The following COL4A4 variants were observed in gnomAD, a reference collection of about 807,000 sequenced individuals.
COL4A4 encodes collagen type IV alpha 4 chain, also known as collagen alpha-4(IV) chain.
COL4A4 carries 105 observed loss-of-function variants against 192.9 expected under a neutral mutation model. The observed-to-expected ratio is 0.54, with a 90% CI of 0.46 to 0.64. The LOEUF (loss-of-function observed/expected upper bound fraction) is 0.64, where lower values mean the gene tolerates loss of function less well. Ranked by LOEUF, COL4A4 falls within the 30% of genes least tolerant of loss-of-function variation. The probability of loss-of-function intolerance (pLI) is 0.00; values close to 1 mark genes in which losing one functional copy is unlikely to be tolerated. For missense variants in COL4A4, 1,967 were observed against 2,169.3 expected (o/e 0.91, Z 1.85); for synonymous variants, 762 against 769.9 (o/e 0.99, Z 0.17).
intron 1 of COL4A4, among the ~76,000 whole-genome samples, chr2:227,158,944 C>A (rs1559767938): frequency 6.6e-6 from 1 of 152,128 alleles, no homozygotes; most frequent in African/African-American, 2.4e-5. Context: ...ATGACCTAAC[C>A]ATTTCATTCC....
At position 227,088,772 on chromosome 2, in the gene COL4A4, G is replaced by C. The variant is rs767258671; in HGVS notation, c.1504C>G (p.Pro502Ala). 20 of 1,614,126 alleles carry C rather than the reference G, an allele frequency of 1.2e-5. No individual in the cohort carries two copies. In the Admixed American group the frequency reaches 3.3e-4, roughly 27 times the overall value. ...CTCCCAGGAAGTCCTGGAGGGCCAG[G>C]GGGGCCCATGGGTCCAGGCTCACAG... ...CACEPGPMGP[P>A]GPPGLPGRQG... Residue 502 changes from proline to alanine, a missense_variant, in exon 22 of 48, where the codon CCT becomes GCT. Coordinates refer to ENST00000396625, the MANE Select transcript of COL4A4 (RefSeq NM_000092.5).
At chr2:227,116,585 A>T (rs77245414) in intron 7 of COL4A4, among the ~76,000 whole-genome samples, 5,274 of 152,312 alleles carry the variant, frequency 0.035, 295 homozygotes, top group African/African-American at 0.12. Flanking sequence ...GAAGCAAAGA[A>T]ATGAAAATGG....
chr2:226,969,341 C>T, the COL4A4 span, among the ~76,000 whole-genome samples: 4 of 150,802 alleles, frequency 2.7e-5, no homozygotes, highest in East Asian at 7.8e-4. Context: ...AAGTCTGTGC[C>T]CAACTGTCAC....
In COL4A4 at chr2:227,031,676, C is replaced by T. The variant is rs140394246; in HGVS notation, c.3817+269G>A. Among the ~76,000 whole-genome samples, 688 of 152,244 alleles carry T rather than the reference C, an allele frequency of 4.5e-3. 14 individuals are homozygous for T. Among genetic ancestry groups the T allele is most frequent in the East Asian group, 3.5e-3 (18 of 5,176 alleles). The stretch of plus-strand genomic sequence containing the variant: ...TCAGCATCAAGCTGGTGATAAGAAA[C>T]GCTTGCTTATCAGTTTCTAGCCTGA... On this transcript the variant is annotated intron_variant, in intron 40 of 47. Coordinates refer to ENST00000396625, the MANE Select transcript of COL4A4 (RefSeq NM_000092.5).
chr2:227,070,086 AGAC>A (rs1450481970), intron 25 of COL4A4, among the ~76,000 whole-genome samples: 2 of 152,164 alleles, frequency 1.3e-5, no homozygotes, highest in Non-Finnish European at 2.9e-5. Context: ...TCTCAAAAGA[AGAC>A]ATTTATGCAG....
intron 43 of COL4A4, chr2:227,022,559 T>G (rs752934129): frequency 9.3e-6 from 5 of 539,408 alleles, no homozygotes. Flanking sequence ...CAAGAGGGAC[T>G]GGTGGGTTCC....
chr2:227,101,954 T>A (rs761339538), intron 15 of COL4A4, 45 bp from the exon 16 acceptor site: 1 of 1,430,966 alleles, frequency 7.0e-7, no homozygotes, highest in Non-Finnish European at 9.8e-7. Flanking sequence ...TAAATCAGAA[T>A]GCATTAACCA....
the COL4A4 span, among the ~76,000 whole-genome samples, chr2:226,984,986 G>A: frequency 3.9e-5 from 6 of 151,964 alleles, no homozygotes; most frequent in African/African-American, 1.5e-4. Flanking sequence ...AAGTACAAGT[G>A]GGGGGTTTGA....
chr2:226,999,055 G>T (rs1960271822), downstream of COL4A4: 1 of 152,230 alleles, frequency 6.6e-6, no homozygotes, highest in African/African-American at 2.4e-5. Flanking sequence ...ACTTGGAATT[G>T]CTGGTTATGC....
chr2:227,090,074 CA>C, intron 20 of COL4A4, 117 bp from the exon 21 acceptor site: 1 of 715,424 alleles, frequency 1.4e-6, no homozygotes, highest in South Asian at 1.7e-5. Context: ...TTCCCAACCC[CA>C]TTCTTTGCGC....
intron 1 of COL4A4, among the ~76,000 whole-genome samples, chr2:227,159,349 A>G (rs962509544): frequency 7.2e-5 from 11 of 152,228 alleles, no homozygotes; most frequent in Admixed American, 7.2e-4. Context: ...AAAGAGGCAG[A>G]AAGAAACTTC....
chr2:227,028,046 G>A, intron 41 of COL4A4, 37 bp from the exon 42 acceptor site: 3 of 1,332,748 alleles, frequency 2.3e-6, no homozygotes, highest in Non-Finnish European at 3.2e-6. Context: ...GAGGGCACTG[G>A]AATGAGACAA....
Position 227,008,153 on chromosome 2 carries a change from C to T in COL4A4, c.4674G>A (p.Ala1558=), listed in dbSNP as rs373933029. 5.2e-4 allele frequency: 840 copies of T among 1,613,960 alleles called. 1 individual carries two copies. Among genetic ancestry groups the T allele is most frequent in the Middle Eastern group, 8.3e-4 (5 of 6,060 alleles). Residue 1558 remains alanine (A), a synonymous_variant, in exon 47 of 48, where the codon GCG becomes GCA. Coordinates refer to ENST00000396625, the MANE Select transcript of COL4A4 (RefSeq NM_000092.5). ...PLPMMPLSEE[A]IRPYVSRCAV... Reference sequence around the variant, plus strand: ...CACAGCGGCTGACATAGGGGCGGATCGCCTCTTCAGAGAGTGGCATCATGG... The same window carrying T: ...CACAGCGGCTGACATAGGGGCGGATTGCCTCTTCAGAGAGTGGCATCATGG...
chr2:227,047,695 C>T, intron 34 of COL4A4, 146 bp from the exon 35 acceptor site: 2 of 568,840 alleles, frequency 3.5e-6, no homozygotes. Context: ...TAAATAAGAA[C>T]AAATAGAAAT....
At chr2:227,009,432 G>C (rs947245349) in intron 46 of COL4A4, among the ~76,000 whole-genome samples, 1 of 152,138 alleles carries the variant, frequency 6.6e-6, no homozygotes, top group Non-Finnish European at 1.5e-5. Context: ...GGCTGGGCAC[G>C]GTGGCTCACA....
intron 44 of COL4A4, among the ~76,000 whole-genome samples, chr2:227,014,178 T>C (rs554212885): frequency 4.6e-5 from 7 of 152,168 alleles, no homozygotes; most frequent in African/African-American, 1.7e-4. Context: ...GCAACATCAA[T>C]AGGAAACACA....
chr2:227,057,287 A>T, intron 29 of COL4A4, 152 bp downstream of exon 29: 1 of 915,772 alleles, frequency 1.1e-6, no homozygotes, highest in Non-Finnish European at 1.7e-6. Flanking sequence ...GGGGGAAGTG[A>T]TGCAAACCAA....
In COL4A4 at chr2:227,059,621, A is replaced by C; in HGVS notation, c.2167T>G (p.Phe723Val). The C allele has an allele frequency of 6.2e-7, 1 of 1,613,148 alleles. No homozygotes were observed. Among genetic ancestry groups the C allele is most frequent in the Non-Finnish European group, 8.5e-7 (1 of 1,179,770 alleles). ...CCCGGATCTCCCATGTCACCACGAA[A>C]ACCTATTTAACAACAAAAAAAAATT... The part of the protein sequence containing the change: ...GTAEIPGPPG[F>V]RGDMGDPGFG... The change falls in exon 28 of 48, where the codon TTT (phenylalanine) becomes GTT (valine). Residue 723 changes from phenylalanine to valine, a missense_variant and splice_region_variant. Physicochemically the swap from Phe to Val is conservative, Grantham distance 50 (BLOSUM62 -1). Coordinates refer to ENST00000396625, the MANE Select transcript of COL4A4 (RefSeq NM_000092.5).
At chr2:226,968,066 A>G in the COL4A4 span, among the ~76,000 whole-genome samples, 2 of 152,204 alleles carry the variant, frequency 1.3e-5, no homozygotes, top group Non-Finnish European at 2.9e-5. Context: ...CTTGCATAAC[A>G]TAATTTAATT....
Sources: gnomAD v4.1 joint callset for allele counts (sites outside exome capture counted in the v4.1 genomes callset) on GRCh38, gnomAD v4.1.1 for gene constraint, MANE v1.5 for transcripts, NCBI Gene and HGNC (gene_info 2026-07-23, HGNC 2026-07-21) for gene names.